Variants in PRKN observed in about 807,000 individuals in gnomAD.
PRKN encodes E3 ubiquitin-protein ligase parkin.
Under a neutral mutation model 59.5 loss-of-function variants are expected in PRKN, and 56 were observed. The ratio of observed to expected loss-of-function variants is 0.94; its 90% CI spans 0.76 to 1.18. PRKN has a LOEUF of 1.18. Among genes scored for constraint, PRKN ranks in the 50% most tolerant of loss-of-function variants. The pLI is 0.00. For missense variants in PRKN, 657 were observed against 596.4 expected, an observed-to-expected ratio of 1.10 and a Z score of -1.06; for synonymous variants, 250 against 222.1, an observed-to-expected ratio of 1.13 and a Z score of -1.12.
At chr6:162,276,490 CTTTA>C (rs959687949) in intron 2 of PRKN, among the ~76,000 whole-genome samples, 3 of 151,916 alleles carry the variant, frequency 2.0e-5, no homozygotes, top group African/African-American at 7.3e-5. Context: ...ATTTTTTTGA[CTTTA>C]TTTTTTATTC....
chr6:162,696,559 C>CTTTTTT (rs748055251), intron 1 of PRKN, among the ~76,000 whole-genome samples: 14 of 108,522 alleles, frequency 1.3e-4, no homozygotes, highest in Non-Finnish European at 1.4e-4. Context: ...TCAGGAAAAA[C>CTTTTTT]TTTTTTTTTT....
At chr6:162,426,285 T>C (rs190019842) in intron 2 of PRKN, among the ~76,000 whole-genome samples, 2 of 152,080 alleles carry the variant, frequency 1.3e-5, no homozygotes, top group Non-Finnish European at 2.9e-5. Flanking sequence ...CAGGTATACA[T>C]AGAAACTATA....
chr6:162,100,892 T>C (rs1779943700), intron 4 of PRKN, among the ~76,000 whole-genome samples: 1 of 152,154 alleles, frequency 6.6e-6, no homozygotes, highest in Non-Finnish European at 1.5e-5. Flanking sequence ...TTGAGAAAAG[T>C]TTATTCTGTT....
intron 5 of PRKN, among the ~76,000 whole-genome samples, chr6:162,010,295 T>A (rs1256830770): frequency 7.2e-5 from 9 of 125,632 alleles, no homozygotes; most frequent in African/African-American, 2.8e-4. Context: ...ATATATTTTA[T>A]ATATTTATTA....
intron 9 of PRKN, among the ~76,000 whole-genome samples, chr6:161,450,928 G>T (rs1225354920): frequency 6.6e-6 from 1 of 152,140 alleles, no homozygotes; most frequent in East Asian, 1.9e-4. Context: ...ACACTGAATT[G>T]TGTTACTTGC....
chr6:162,706,817 T>C (rs988677627), intron 1 of PRKN, among the ~76,000 whole-genome samples: 6 of 151,602 alleles, frequency 4.0e-5, no homozygotes, highest in African/African-American at 7.2e-5. Flanking sequence ...ATCATAGATA[T>C]AGATCAATGA....
intron 1 of PRKN, among the ~76,000 whole-genome samples, chr6:162,648,305 G>A (rs1360523779): frequency 6.6e-6 from 1 of 151,660 alleles, no homozygotes; most frequent in African/African-American, 2.4e-5. Flanking sequence ...GGATTCCAAT[G>A]GTCACTATGT....
chr6:162,648,670 C>T (rs547847652), intron 1 of PRKN, among the ~76,000 whole-genome samples: 3 of 152,308 alleles, frequency 2.0e-5, no homozygotes, highest in South Asian at 2.1e-4. Context: ...GCGTGAGCCA[C>T]GACAGCCGGC....
At chr6:161,885,206 T>C (rs1382794167) in intron 6 of PRKN, among the ~76,000 whole-genome samples, 1 of 152,008 alleles carries the variant, frequency 6.6e-6, no homozygotes, top group Non-Finnish European at 1.5e-5. Context: ...AACCTGCTTC[T>C]TCAAGATGCC....
chr6:161,426,643 T>A (rs372839432), intron 9 of PRKN, among the ~76,000 whole-genome samples: 86 of 23,288 alleles, frequency 3.7e-3, no homozygotes, highest in African/African-American at 0.014. Flanking sequence ...AAACTCCCCT[T>A]TACACACACA....
At chr6:161,844,880 C>T (rs1397326214) in intron 6 of PRKN, among the ~76,000 whole-genome samples, 1 of 152,202 alleles carries the variant, frequency 6.6e-6, no homozygotes, top group Non-Finnish European at 1.5e-5. Context: ...TGTGGAATAT[C>T]TCATAAGTTA....
Position 161,550,642 on chromosome 6 carries a change from T to G in PRKN, c.934-1639A>C, listed in dbSNP as rs1173943582. ...GTGTGAGAGGAAAAGAGGAGTCAAC[T>G]GTGAGTGGAGTGTAGTTCCCCGTTT... is the stretch of plus-strand genomic sequence containing the variant. On this transcript the variant is annotated intron_variant, in intron 8 of 11. Transcript: ENST00000366898. The surrounding 1 kb of genome is among the most constrained non-coding windows in gnomAD (Gnocchi z 4.0). 1.3e-5 allele frequency among the ~76,000 whole-genome samples: 2 copies of G among 151,922 alleles called. No homozygotes were observed. Among genetic ancestry groups the G allele is most frequent in the Non-Finnish European group, 2.9e-5 (2 of 67,990 alleles).
intron 2 of PRKN, among the ~76,000 whole-genome samples, chr6:162,297,254 T>C (rs769812532): frequency 2.0e-5 from 3 of 151,070 alleles, no homozygotes; most frequent in South Asian, 2.1e-4. Context: ...CTGAAGAATA[T>C]ACATGGGACC....
rs192375622 is a variant in PRKN at position 161,400,556 on chromosome 6, C to A, written c.1084-13679G>T. 1.9e-3 allele frequency among the ~76,000 whole-genome samples: 290 copies of A among 152,162 alleles called. 4 individuals are homozygous for A. The highest frequency in any genetic ancestry group is 6.8e-3 in the African/African-American group (282 of 41,512). ...CTCAAACCCCTGACCTCAGGTAATC[C>A]GTTCCCCTCAGCCTCCCAAAGTGCT... On this transcript the variant is annotated intron_variant, in intron 9 of 11. Coordinates refer to ENST00000366898, the MANE Select transcript of PRKN (RefSeq NM_004562.3). This position sits in a 1 kb window ranked among gnomAD's most constrained non-coding sequence, Gnocchi z 4.2.
intron 2 of PRKN, among the ~76,000 whole-genome samples, chr6:162,305,804 C>A (rs988178153): frequency 5.9e-5 from 9 of 151,914 alleles, no homozygotes; most frequent in African/African-American, 2.2e-4. Flanking sequence ...TGTAAGTATA[C>A]TGAAAATTCT....
At chr6:162,060,718 C>T (rs962721598) in intron 4 of PRKN, among the ~76,000 whole-genome samples, 1 of 152,206 alleles carries the variant, frequency 6.6e-6, no homozygotes. Flanking sequence ...ATAATCTGCT[C>T]ATCATATGTG....
At chr6:161,481,614 AAAC>A (rs1791403673) in intron 9 of PRKN, among the ~76,000 whole-genome samples, 1 of 152,070 alleles carries the variant, frequency 6.6e-6, no homozygotes, top group Admixed American at 6.5e-5. Flanking sequence ...AAAAACAAAA[AAAC>A]AAAACAAACA....
chr6:162,200,071 G>A (rs930901709), intron 4 of PRKN, among the ~76,000 whole-genome samples: 2 of 152,090 alleles, frequency 1.3e-5, no homozygotes, highest in African/African-American at 4.8e-5. Context: ...TGTGGTTTCC[G>A]TCAGCTTGCA....
At chr6:162,140,459 T>C (rs1053333280) in intron 4 of PRKN, among the ~76,000 whole-genome samples, 3 of 152,164 alleles carry the variant, frequency 2.0e-5, no homozygotes, top group Non-Finnish European at 4.4e-5. Flanking sequence ...TCGTGACAAC[T>C]GAAAAATAAA....
Sources: gnomAD v4.1 joint callset for allele counts (sites outside exome capture counted in the v4.1 genomes callset) on GRCh38, gnomAD v4.1.1 for gene constraint, Gnocchi (gnomAD v3.1) non-coding constraint, MANE v1.5 for transcripts, NCBI Gene and HGNC (gene_info 2026-07-23, HGNC 2026-07-21) for gene names.